The following SRPK1 variants were observed in gnomAD, a reference collection of about 807,000 sequenced individuals.
SRPK1 encodes the protein SRSF protein kinase 1.
Under a neutral mutation model 89.5 loss-of-function variants are expected in SRPK1, and 52 were observed. The observed-to-expected ratio is 0.58, with a 90% CI of 0.46 to 0.73. SRPK1 has a LOEUF of 0.73. SRPK1 is among the 30% of genes least tolerant of loss of function. SRPK1 has a pLI of 0.00. For synonymous variants in SRPK1, 255 were observed against 270.2 expected (o/e 0.94, Z 0.55); for missense variants, 603 against 780.6 (o/e 0.77, Z 2.71).
At chr6:35,858,443 A>T (rs1423886025) in intron 12 of SRPK1, among the ~76,000 whole-genome samples, 1 of 152,044 alleles carries the variant, frequency 6.6e-6, no homozygotes, top group Non-Finnish European at 1.5e-5. Flanking sequence ...TGAGTGAGGC[A>T]TATCACTATG....
At chr6:35,901,471 C>A (rs745897845) in intron 2 of SRPK1, among the ~76,000 whole-genome samples, 1 of 152,194 alleles carries the variant, frequency 6.6e-6, no homozygotes, top group African/African-American at 2.4e-5. Context: ...AAGGAATCAA[C>A]CCTCTGACAC....
At chr6:35,887,952 G>C (rs1770444327) in intron 5 of SRPK1, 72 bp downstream of exon 5, 1 of 1,084,054 alleles carries the variant, frequency 9.2e-7, no homozygotes, top group African/African-American at 1.6e-5. Flanking sequence ...GCCTCCACTT[G>C]GTGTGTTTTT....
intron 8 of SRPK1, among the ~76,000 whole-genome samples, chr6:35,872,124 A>C (rs545837205): frequency 2.0e-5 from 3 of 152,352 alleles, no homozygotes; most frequent in African/African-American, 7.2e-5. Context: ...GTTGAGGGAA[A>C]ATAAAGTAAA....
At chr6:35,908,173 G>A (rs1770889887) in intron 2 of SRPK1, among the ~76,000 whole-genome samples, 1 of 152,166 alleles carries the variant, frequency 6.6e-6, no homozygotes, top group South Asian at 2.1e-4. Flanking sequence ...ACAGAGAGTG[G>A]GGTACTGCTA....
chr6:35,899,990 G>T (rs1361739477), intron 2 of SRPK1, among the ~76,000 whole-genome samples: 1 of 148,940 alleles, frequency 6.7e-6, no homozygotes, highest in Non-Finnish European at 1.5e-5. Flanking sequence ...GACAGAGCAA[G>T]ACTCCATCGC....
chr6:35,897,262 G>C (rs960760006), intron 2 of SRPK1, among the ~76,000 whole-genome samples: 1 of 152,152 alleles, frequency 6.6e-6, no homozygotes, highest in Non-Finnish European at 1.5e-5. Context: ...GTGCTTTATT[G>C]AGAGGAAGAG....
intron 12 of SRPK1, among the ~76,000 whole-genome samples, chr6:35,866,984 G>A (rs1358133474): frequency 6.6e-6 from 1 of 152,142 alleles, no homozygotes; most frequent in African/African-American, 2.4e-5. Context: ...GGTATAGTGT[G>A]GAATGATCGA....
chr6:35,891,048 G>C, intron 2 of SRPK1, 35 bp from the exon 3 acceptor site: 2 of 1,533,186 alleles, frequency 1.3e-6, no homozygotes, highest in Non-Finnish European at 1.8e-6. Flanking sequence ...ATTCCATTTG[G>C]ACAGAAGAAA....
intron 6 of SRPK1, among the ~76,000 whole-genome samples, chr6:35,878,740 C>T (rs960452010): frequency 2.6e-5 from 4 of 152,124 alleles, no homozygotes; most frequent in Non-Finnish European, 4.4e-5. Flanking sequence ...GGCCAGTGCC[C>T]TATTTCCTCT....
At chr6:35,908,149 A>G (rs550551241) in intron 2 of SRPK1, among the ~76,000 whole-genome samples, 6 of 152,322 alleles carry the variant, frequency 3.9e-5, no homozygotes, top group African/African-American at 1.4e-4. Flanking sequence ...GGACTAATAC[A>G]GTAAATTGGT....
chr6:35,871,567 T>G (rs773938509), intron 8 of SRPK1, among the ~76,000 whole-genome samples: 6 of 152,206 alleles, frequency 3.9e-5, no homozygotes, highest in Non-Finnish European at 5.9e-5. Context: ...AAACAGAAAC[T>G]ACATCCATTT....
intron 2 of SRPK1, among the ~76,000 whole-genome samples, chr6:35,893,511 A>C (rs1770564811): frequency 6.6e-6 from 1 of 152,036 alleles, no homozygotes; most frequent in Non-Finnish European, 1.5e-5. Flanking sequence ...GGGGATGATT[A>C]ACTGAAGGCT....
chr6:35,915,995 T>TACACACACACAC (rs1353733748), intron 2 of SRPK1, among the ~76,000 whole-genome samples: 6 of 54,660 alleles, frequency 1.1e-4, no homozygotes, highest in Non-Finnish European at 2.0e-4. Context: ...AAAAAAAATA[T>TACACACACACAC]ATACACACAC....
chr6:35,920,045 A>G (rs1349720452), intron 2 of SRPK1: 1 of 457,268 alleles, frequency 2.2e-6, no homozygotes, highest in Non-Finnish European at 4.4e-6. Flanking sequence ...AATTCATTCA[A>G]GAATTTCCTT....
chr6:35,850,176 TTC>T (rs1186506676), intron 13 of SRPK1, among the ~76,000 whole-genome samples: 4 of 152,158 alleles, frequency 2.6e-5, no homozygotes, highest in Admixed American at 6.5e-5. Flanking sequence ...CGTACCTCAT[TTC>T]TGTTACTAAT....
intron 5 of SRPK1, 132 bp from the exon 6 acceptor site, chr6:35,886,943 A>G (rs1479908743): frequency 1.7e-6 from 1 of 594,596 alleles, no homozygotes; most frequent in African/African-American, 1.9e-5. Context: ...AATATACTAA[A>G]ATTTCAATAG....
Position 35,870,926 on chromosome 6 carries a change from A to G in SRPK1, c.777+8T>C. The G allele has an allele frequency of 6.2e-7, 1 of 1,604,508 alleles. No homozygotes were observed. Among genetic ancestry groups the G allele is most frequent in the Non-Finnish European group, 8.5e-7 (1 of 1,173,756 alleles). On this transcript the variant is annotated splice_region_variant and intron_variant, in intron 9 of 15. Coordinates refer to ENST00000373825, the MANE Select transcript of SRPK1 (RefSeq NM_003137.5). ...TCAAAATTAAATATAAAAACACCTT[A>G]TACTTACTGGTTTAGGCTGGGGAGC...
Position 35,838,358 on chromosome 6 carries a change from T to G in SRPK1, c.1762A>C (p.Lys588Gln). The G allele has an allele frequency of 6.4e-7, 1 of 1,574,530 alleles. No individual in the cohort carries two copies. The highest frequency in any genetic ancestry group is 8.6e-7 in the Non-Finnish European group (1 of 1,169,346). Residue 588 changes from lysine to glutamine, a missense_variant, in exon 15 of 16, where the codon AAG becomes CAG. By Grantham distance (53) the Lys-to-Gln change is moderately conservative. Transcript: ENST00000373825. ...RKLIVAGKYS[K>Q]EFFTKKGDLK... Reference sequence around the variant, plus strand: ...TTACCTTTTTTGGTGAAAAATTCCTTGGAATATTTTCCTGCCACAATGAGC... The same window carrying G: ...TTACCTTTTTTGGTGAAAAATTCCTGGGAATATTTTCCTGCCACAATGAGC...
chr6:35,840,356 A>G (rs984323330), intron 14 of SRPK1, among the ~76,000 whole-genome samples: 1 of 152,156 alleles, frequency 6.6e-6, no homozygotes, highest in African/African-American at 2.4e-5. Context: ...GACTGAATTT[A>G]TGGTTTGGTA....
Sources: allele counts gnomAD v4.1 joint callset (sites outside exome capture counted in the v4.1 genomes callset), GRCh38; gene constraint gnomAD v4.1.1; transcripts MANE v1.5; gene names NCBI Gene and HGNC (gene_info 2026-07-23, HGNC 2026-07-21).